SCUBE2: variants seen among roughly 807,000 people sequenced by gnomAD.
SCUBE2 encodes the protein signal peptide, CUB and EGF-like domain-containing protein 2.
Under a neutral mutation model 125.9 loss-of-function variants are expected in SCUBE2, and 114 were observed. The ratio of observed to expected loss-of-function variants is 0.91; its 90% confidence interval spans 0.78 to 1.06. The LOEUF is 1.06. SCUBE2 is among the 50% of genes least tolerant of loss of function. The probability of loss-of-function intolerance (pLI) is 0.00; values close to 1 mark genes in which losing one functional copy is unlikely to be tolerated. For synonymous variants in SCUBE2, 459 were observed against 492.9 expected (o/e 0.93, Z 0.91); for missense variants, 1,255 against 1,301.8 (o/e 0.96, Z 0.55).
At chr11:9,040,816 T>G (rs1857172090) in intron 16 of SCUBE2, among the ~76,000 whole-genome samples, 1 of 152,238 alleles carries the variant, frequency 6.6e-6, no homozygotes, top group African/African-American at 2.4e-5. Flanking sequence ...CACACCACTC[T>G]GAAGAGTGGG....
intron 21 of SCUBE2, chr11:9,024,415 T>C (rs1160264716): frequency 7.8e-7 from 1 of 1,287,726 alleles, no homozygotes; most frequent in African/African-American, 1.5e-5. Context: ...TTCAGGCATC[T>C]GTAGGACAAA....
At chr11:9,039,741 A>G (rs1202277792) in intron 16 of SCUBE2, among the ~76,000 whole-genome samples, 1 of 152,148 alleles carries the variant, frequency 6.6e-6, no homozygotes, top group Non-Finnish European at 1.5e-5. Context: ...GTGAGGCACA[A>G]GACACATGTG....
intron 5 of SCUBE2, among the ~76,000 whole-genome samples, chr11:9,067,618 T>C (rs1335246463): frequency 6.6e-6 from 1 of 152,220 alleles, no homozygotes; most frequent in African/African-American, 2.4e-5. Context: ...AATAGGAATA[T>C]GGAAAAATTG....
chr11:9,020,048 A>G lies in SCUBE2; in HGVS notation c.*997T>C, dbSNP rs1430824443. On this transcript the variant is annotated 3_prime_UTR_variant, in exon 23 of 23. Transcript: ENST00000649792. ...AAGGGGCTGCTCATGTCCACGGAGC[A>G]GAGTCCGTCTCTCACATTTGAGACT... is the stretch of plus-strand genomic sequence containing the variant. Among the ~76,000 whole-genome samples, 1 of 152,206 alleles carries G rather than the reference A, an allele frequency of 6.6e-6. No individual in the cohort carries two copies. Among genetic ancestry groups the G allele is most frequent in the African/African-American group, 2.4e-5 (1 of 41,452 alleles).
At chr11:9,054,263 C>A (rs898943520) in intron 10 of SCUBE2, among the ~76,000 whole-genome samples, 2 of 152,108 alleles carry the variant, frequency 1.3e-5, no homozygotes, top group African/African-American at 4.8e-5. Context: ...TCCCAAAGTG[C>A]TGGGATTACA....
intron 16 of SCUBE2, among the ~76,000 whole-genome samples, chr11:9,046,001 C>CTTTTTTTTTT (rs58572754): frequency 5.4e-5 from 5 of 92,066 alleles, no homozygotes; most frequent in African/African-American, 1.1e-4. Context: ...GTCTTTCTTT[C>CTTTTTTTTTT]TTTTTTTTTT....
intron 7 of SCUBE2, among the ~76,000 whole-genome samples, chr11:9,063,288 A>C (rs1859866910): frequency 6.6e-6 from 1 of 152,128 alleles, no homozygotes; most frequent in Non-Finnish European, 1.5e-5. Context: ...AAAAGAATGT[A>C]AGAAAATTTC....
intron 17 of SCUBE2, among the ~76,000 whole-genome samples, chr11:9,032,021 A>G (rs935537589): frequency 2.0e-5 from 3 of 152,202 alleles, no homozygotes; most frequent in Non-Finnish European, 4.4e-5. Flanking sequence ...GATTATATGA[A>G]TTGTGAATAA....
intron 2 of SCUBE2, among the ~76,000 whole-genome samples, chr11:9,082,396 A>G (rs146543792): frequency 0.011 from 1,701 of 152,162 alleles, 57 homozygotes; most frequent in Admixed American, 0.051. Context: ...TGTGATATCC[A>G]AGAAATTATC....
intron 16 of SCUBE2, among the ~76,000 whole-genome samples, chr11:9,038,594 G>A (rs1856940415): frequency 6.6e-6 from 1 of 152,106 alleles, no homozygotes; most frequent in Non-Finnish European, 1.5e-5. Context: ...CAGCCTGGGT[G>A]ACAGAGCAAG....
chr11:9,069,240 G>T, intron 5 of SCUBE2, 130 bp downstream of exon 5: 2 of 1,145,070 alleles, frequency 1.7e-6, no homozygotes, highest in Non-Finnish European at 1.3e-6. Context: ...GTAGAGGTCG[G>T]TATCCCGTGC....
At chr11:9,046,892 G>C (rs1857833502) in intron 16 of SCUBE2, among the ~76,000 whole-genome samples, 1 of 152,174 alleles carries the variant, frequency 6.6e-6, no homozygotes, top group Non-Finnish European at 1.5e-5. Flanking sequence ...CCTGGATTCA[G>C]CTTTGCTTAC....
chr11:9,079,134 A>T (rs1240537194), intron 3 of SCUBE2, among the ~76,000 whole-genome samples: 2 of 152,274 alleles, frequency 1.3e-5, no homozygotes, highest in African/African-American at 4.8e-5. Flanking sequence ...TGACAAGCCA[A>T]TGCTAGAAAG....
intron 16 of SCUBE2, 118 bp from the exon 17 acceptor site, chr11:9,033,914 C>G (rs933660128): frequency 1.1e-5 from 11 of 957,438 alleles, no homozygotes; most frequent in Non-Finnish European, 1.8e-5. Context: ...GGCATGCAAA[C>G]TCCCTGAATA....
At chr11:9,031,035 G>A in intron 17 of SCUBE2, 110 bp from the exon 18 acceptor site, 1 of 974,256 alleles carries the variant, frequency 1.0e-6, no homozygotes, top group Non-Finnish European at 1.5e-6. Flanking sequence ...GCTGACCGCA[G>A]TTCCCACCTC....
At chr11:9,052,664 A>G in intron 13 of SCUBE2, 82 bp downstream of exon 13, 1 of 1,036,618 alleles carries the variant, frequency 9.6e-7, no homozygotes, top group Non-Finnish European at 1.4e-6. Context: ...AAACAAAGCC[A>G]ATGTCCAAGA....
At chr11:9,050,758 T>C (rs896087619) in intron 13 of SCUBE2, 48 bp from the exon 14 acceptor site, 4 of 1,431,298 alleles carry the variant, frequency 2.8e-6, no homozygotes, top group Non-Finnish European at 3.9e-6. Context: ...GGCAAAGGAA[T>C]GGAGACACCA....
At chr11:9,068,738 C>G (rs1463257243) in intron 5 of SCUBE2, among the ~76,000 whole-genome samples, 3 of 152,196 alleles carry the variant, frequency 2.0e-5, no homozygotes, top group Admixed American at 2.0e-4. Context: ...ACAACTTCGA[C>G]AACTGAAAAT....
intron 16 of SCUBE2, among the ~76,000 whole-genome samples, chr11:9,045,620 C>G (rs200243133): frequency 0.093 from 13,689 of 146,422 alleles, 710 homozygotes; most frequent in East Asian, 0.21. Flanking sequence ...GACACACACA[C>G]ACACACACAC....
Sources: allele counts gnomAD v4.1 joint callset (sites outside exome capture counted in the v4.1 genomes callset), GRCh38; gene constraint gnomAD v4.1.1; transcripts MANE v1.5; gene names NCBI Gene and HGNC (gene_info 2026-07-23, HGNC 2026-07-21).